Variants in PUM1 observed in about 807,000 individuals in gnomAD.
The protein encoded by PUM1 is pumilio homolog 1.
PUM1 carries 13 observed loss-of-function variants against 131.8 expected under a neutral mutation model. That is an observed-to-expected ratio of 0.10 (90% confidence interval 0.06 to 0.16). The LOEUF is 0.16. Among genes scored for constraint, PUM1 ranks in the 10% least tolerant of loss-of-function variants. The pLI is 1.00. For synonymous variants in PUM1, 509 were observed against 556.5 expected (o/e 0.91, Z 1.20); for missense variants, 961 against 1,512.4 (o/e 0.64, Z 6.05).
At chr1:31,005,770 T>A in intron 5 of PUM1, 83 bp downstream of exon 5, 1 of 1,317,754 alleles carries the variant, frequency 7.6e-7, no homozygotes, top group South Asian at 1.5e-5. Context: ...TAAACAGGCA[T>A]GTTTTGCTTT....
chr1:30,964,081 C>G (rs187111089), intron 14 of PUM1, among the ~76,000 whole-genome samples: 32 of 152,100 alleles, frequency 2.1e-4, no homozygotes, highest in Admixed American at 5.2e-4. Context: ...TTTCTAGAAT[C>G]TAGATGGTAA....
At chr1:31,022,802 G>A (rs1413658337) in intron 3 of PUM1, among the ~76,000 whole-genome samples, 2 of 152,140 alleles carry the variant, frequency 1.3e-5, no homozygotes, top group Non-Finnish European at 2.9e-5. Flanking sequence ...TCAAGAACAA[G>A]ATGTCAAAAA....
In PUM1 at chr1:30,980,133, G is replaced by T; in HGVS notation, c.1283C>A (p.Pro428Gln). ...GLAPAAFVPN[P>Q]YIISAAPPGT... ...TGGGGGAGCAGCGCTGATGATGTATGGATTGGGGACAAACGCAGCGGGAGC... is the reference window on the plus strand; with the variant it reads ...TGGGGGAGCAGCGCTGATGATGTATTGATTGGGGACAAACGCAGCGGGAGC... Residue 428 changes from proline to glutamine, a missense_variant, in exon 9 of 22, where the codon CCA becomes CAA. Physicochemically the swap from Pro to Gln is moderately conservative, Grantham distance 76. Coordinates refer to ENST00000426105, the MANE Select transcript of PUM1 (RefSeq NM_001020658.2). 1 of 1,614,034 alleles carries T rather than the reference G, an allele frequency of 6.2e-7. No individual in the cohort carries two copies. Among genetic ancestry groups the T allele is most frequent in the Non-Finnish European group, 8.5e-7 (1 of 1,179,982 alleles).
Position 30,963,097 on chromosome 1 carries a change from C to T in PUM1, c.2323+1577G>A, listed in dbSNP as rs114310753. 5.5e-3 allele frequency among the ~76,000 whole-genome samples: 832 copies of T among 152,274 alleles called. 7 individuals carry two copies. The highest frequency in any genetic ancestry group is 0.019 in the African/African-American group (787 of 41,560). ...CTGTTCAAATCTGAGATGACACAGG[C>T]TAGGCAAGATATTTAAGTCCTGAGA... On this transcript the variant is annotated intron_variant, in intron 14 of 21. Transcript: ENST00000426105.
intron 2 of PUM1, among the ~76,000 whole-genome samples, chr1:31,046,740 G>A (rs1643978208): frequency 6.6e-6 from 1 of 151,954 alleles, no homozygotes; most frequent in African/African-American, 2.4e-5. Flanking sequence ...AAAGTGCTGG[G>A]ATTACAGGCA....
chr1:31,006,824 T>A (rs1335581148), intron 4 of PUM1, among the ~76,000 whole-genome samples, 170 bp downstream of exon 4: 1 of 152,240 alleles, frequency 6.6e-6, no homozygotes, highest in South Asian at 2.1e-4. Context: ...GTGTTAATTA[T>A]GTTTTAATAA....
At chr1:31,047,707 T>C (rs1410236541) in intron 2 of PUM1, among the ~76,000 whole-genome samples, 1 of 152,048 alleles carries the variant, frequency 6.6e-6, no homozygotes, top group Non-Finnish European at 1.5e-5. Flanking sequence ...CTCTGGGAGG[T>C]GGAGGTGGGT....
At chr1:31,009,047 G>GTGGT (rs1174302549) in intron 3 of PUM1, among the ~76,000 whole-genome samples, 1 of 151,550 alleles carries the variant, frequency 6.6e-6, no homozygotes, top group Non-Finnish European at 1.5e-5. Flanking sequence ...GCCGGGCGTG[G>GTGGT]TGGTGTGTGC....
chr1:30,987,957 CAGCT>C (rs1469888686), intron 7 of PUM1, among the ~76,000 whole-genome samples: 2 of 152,298 alleles, frequency 1.3e-5, no homozygotes, highest in South Asian at 4.1e-4. Context: ...CTCATTATGA[CAGCT>C]AGTACATCTA....
Position 30,939,584 on chromosome 1 carries a change from G to T in PUM1, c.3242+1567C>A, listed in dbSNP as rs188864772. On this transcript the variant is annotated intron_variant, in intron 20 of 21. Transcript: ENST00000426105. ...TCCAAATGCCAGCCCCCACCTCTCT[G>T]GTCTCCACCTGCCCTTTGGTTACTC... Among the ~76,000 whole-genome samples the T allele has an allele frequency of 2.0e-4, 31 of 152,246 alleles. 1 individual carries two copies. Among genetic ancestry groups the T allele is most frequent in the Non-Finnish European group, 1.6e-4 (11 of 68,014 alleles).
chr1:30,934,514 C>T (rs1430582494), intron 21 of PUM1, among the ~76,000 whole-genome samples: 1 of 152,200 alleles, frequency 6.6e-6, no homozygotes, highest in Non-Finnish European at 1.5e-5. Flanking sequence ...AGAGCTGCAT[C>T]GGGTGTCACA....
At chr1:30,998,058 T>C (rs1411481496) in intron 5 of PUM1, among the ~76,000 whole-genome samples, 2 of 152,202 alleles carry the variant, frequency 1.3e-5, no homozygotes, top group Non-Finnish European at 2.9e-5. Context: ...ACCAAAATGG[T>C]GGGCTCCTTC....
At position 30,953,680 on chromosome 1, in the gene PUM1, C is replaced by T. The variant is rs367619910; in HGVS notation, c.2591+34G>A. The T allele has an allele frequency of 8.6e-4, 1,382 of 1,608,956 alleles. 4 individuals carry two copies. Among genetic ancestry groups the T allele is most frequent in the Non-Finnish European group, 1.1e-3 (1,244 of 1,175,952 alleles). ...CAAGACAGTTAAGGCATTACAATTT[C>T]GGGTACCTTAAAGTGCCAAAGCCAA... On this transcript the variant is annotated intron_variant, in intron 15 of 21. Transcript: ENST00000426105.
chr1:31,043,672 G>A (rs936976994), intron 2 of PUM1, among the ~76,000 whole-genome samples: 11 of 152,072 alleles, frequency 7.2e-5, no homozygotes, highest in African/African-American at 7.2e-5. Flanking sequence ...AAGAGTTTAC[G>A]GAGCTCACTG....
At chr1:30,967,363 C>T (rs1212456586) in intron 11 of PUM1, 53 bp from the exon 12 acceptor site, 2 of 1,543,330 alleles carry the variant, frequency 1.3e-6, no homozygotes, top group African/African-American at 1.4e-5. Context: ...ACAAGTATCT[C>T]CTGGGCACCA....
chr1:30,932,295 T>C lies in PUM1; in HGVS notation c.*916A>G, dbSNP rs1487499365. 1 of 152,604 alleles carries C rather than the reference T, an allele frequency of 6.6e-6. No individual in the cohort carries two copies. Among genetic ancestry groups the C allele is most frequent in the African/African-American group, 2.4e-5 (1 of 41,446 alleles). 9.5% of individuals were successfully genotyped at this position (152,604 alleles called of 1,614,324 possible). On this transcript the variant is annotated 3_prime_UTR_variant, in exon 22 of 22. Transcript: ENST00000426105. The stretch of plus-strand genomic sequence containing the variant: ...TTCGACTACTAGGGTACATTATAGA[T>C]ACAGATTAGACATCAAAACAAGAAA...
At chr1:31,045,822 C>T (rs145366681) in intron 2 of PUM1, among the ~76,000 whole-genome samples, 114 of 152,280 alleles carry the variant, frequency 7.5e-4, no homozygotes, top group African/African-American at 2.6e-3. Context: ...TGGCTCACAT[C>T]TGTAATCCTG....
chr1:31,008,610 C>G (rs1642480631), intron 3 of PUM1, among the ~76,000 whole-genome samples: 1 of 151,958 alleles, frequency 6.6e-6, no homozygotes, highest in Non-Finnish European at 1.5e-5. Context: ...TTGAAGTGCC[C>G]TAGGAAATCT....
intron 3 of PUM1, among the ~76,000 whole-genome samples, chr1:31,007,626 CA>C (rs1642440926): frequency 6.6e-6 from 1 of 152,124 alleles, no homozygotes; most frequent in African/African-American, 2.4e-5. Flanking sequence ...AAATACTTCC[CA>C]ACCACAACAC....
Sources: allele counts gnomAD v4.1 joint callset (sites outside exome capture counted in the v4.1 genomes callset), GRCh38; gene constraint gnomAD v4.1.1; transcripts MANE v1.5; gene names NCBI Gene and HGNC (gene_info 2026-07-23, HGNC 2026-07-21).